CLASRP: variants seen among roughly 807,000 people sequenced by gnomAD.
The protein encoded by CLASRP is CLK4 associating serine/arginine rich protein.
Under a neutral mutation model 99.9 loss-of-function variants are expected in CLASRP, and 52 were observed. That is an observed-to-expected ratio of 0.52 (90% CI 0.42 to 0.66). The LOEUF (loss-of-function observed/expected upper bound fraction) is 0.66. CLASRP is among the 30% of genes least tolerant of loss of function. The pLI is 0.00. For synonymous variants in CLASRP, 379 were observed against 373.0 expected, an observed-to-expected ratio of 1.02 and a Z score of -0.18; for missense variants, 848 against 999.2, an observed-to-expected ratio of 0.85 and a Z score of 2.04.
chr19:45,042,646 T>G (rs1600091901), intron 2 of CLASRP, among the ~76,000 whole-genome samples: 1 of 151,824 alleles, frequency 6.6e-6, no homozygotes, highest in South Asian at 2.1e-4. Flanking sequence ...AGAGTCTTGC[T>G]TAGTCGCCCA....
chr19:45,067,622 G>A lies in CLASRP; in HGVS notation c.1667+28G>A. 4 of 1,562,446 alleles carry A rather than the reference G, an allele frequency of 2.6e-6. No individual in the cohort carries two copies. The highest frequency in any genetic ancestry group is 3.5e-6 in the Non-Finnish European group (4 of 1,153,752). ...GAGCGGGGCGGGTCTGGAGGAAGAG[G>A]GCTGCCAATCTCGGGTGGGGAGGGT... On this transcript the variant is annotated intron_variant, in intron 14 of 20. Coordinates refer to ENST00000221455, the MANE Select transcript of CLASRP (RefSeq NM_007056.3). This position sits in a 1 kb window ranked among gnomAD's most constrained non-coding sequence, Gnocchi z 4.9.
At position 45,067,716 on chromosome 19, in the gene CLASRP, C is replaced by A; in HGVS notation, c.1667+122C>A. The A allele has an allele frequency of 1.0e-6, 1 of 959,462 alleles. No individual in the cohort carries two copies. The highest frequency in any genetic ancestry group is 1.5e-6 in the Non-Finnish European group (1 of 656,800). 59.4% of individuals were successfully genotyped at this position (959,462 alleles called of 1,614,324 possible). ...GGGAGGTCTGGGGGGTGGTGTATGG[C>A]CCTGGCCTGGGAGGGTGGATTTCAG... On this transcript the variant is annotated intron_variant, in intron 14 of 20. Transcript: ENST00000221455. The surrounding 1 kb of genome is among the most constrained non-coding windows in gnomAD (Gnocchi z 4.9).
At chr19:45,070,716 G>A in intron 20 of CLASRP, 87 bp from the exon 21 acceptor site, 2 of 1,332,960 alleles carry the variant, frequency 1.5e-6, no homozygotes, top group Middle Eastern at 1.8e-4. Context: ...CCACAGACAA[G>A]TGCCCCGATC....
chr19:45,059,233 G>C, intron 7 of CLASRP, 35 bp from the exon 8 acceptor site: 5 of 1,573,106 alleles, frequency 3.2e-6, no homozygotes, highest in Non-Finnish European at 4.3e-6. Flanking sequence ...CCTCTCGCTC[G>C]GCCGTGGCTC....
In CLASRP at chr19:45,067,635, G is replaced by T; in HGVS notation, c.1667+41G>T. The stretch of plus-strand genomic sequence containing the variant: ...CTGGAGGAAGAGGGCTGCCAATCTC[G>T]GGTGGGGAGGGTGAACATCACTGTT... On this transcript the variant is annotated intron_variant, in intron 14 of 20. Transcript: ENST00000221455. This position sits in a 1 kb window ranked among gnomAD's most constrained non-coding sequence, Gnocchi z 4.9. 4.0e-6 allele frequency: 6 copies of T among 1,516,814 alleles called. No individual in the cohort carries two copies. The highest frequency in any genetic ancestry group is 2.3e-5 in the East Asian group (1 of 43,860). The allele number at this position is 1,516,814 out of a possible 1,614,324, so 94.0% of individuals were successfully genotyped here. A position where few individuals can be genotyped will look rare whatever the true frequency, so the allele number is the denominator to read the frequency against.
chr19:45,052,079 C>T lies in CLASRP; in HGVS notation c.108C>T (p.Asp36=). 6 of 1,613,844 alleles carry T rather than the reference C, an allele frequency of 3.7e-6. No homozygotes were observed. Among genetic ancestry groups the T allele is most frequent in the Non-Finnish European group, 5.1e-6 (6 of 1,179,974 alleles). The change falls in exon 3 of 21, where the codon GAC becomes GAT. Residue 36 remains aspartate, a synonymous_variant. Coordinates refer to ENST00000221455, the MANE Select transcript of CLASRP (RefSeq NM_007056.3). ...CCTGTTTACCCCTGCAGAAGAAGGA[C>T]CCAGCCCAGTTCCTGCAGGTACATG... ...RREYYEKIKK[D]PAQFLQVHGR... is the part of the protein sequence containing the mutation.
rs533411098 is a variant in CLASRP, at chr19:45,064,588, C to T, written c.1367C>T (p.Ser456Leu). 10 of 1,545,314 alleles carry T rather than the reference C, an allele frequency of 6.5e-6. No individual in the cohort carries two copies. Among genetic ancestry groups the T allele is most frequent in the South Asian group, 2.4e-5 (2 of 84,528 alleles). Residue 456 changes from serine (S) to leucine (L), a missense_variant, in exon 13 of 21, where the codon TCG (serine) becomes TTG (leucine). By Grantham distance (145) the Ser-to-Leu change is moderately radical. Around this residue, in one of 8 missense-constraint regions of CLASRP, gnomAD observed 489 missense variants for 434.7 expected, o/e 1.12. Coordinates refer to ENST00000221455, the MANE Select transcript of CLASRP (RefSeq NM_007056.3). ...CGAGACGGACACCGGTACTCCCGCT[C>T]GCCCGCCCGGCGTGGTGGTTACGGG... ...GSRDGHRYSR[S>L]PARRGGYGPR...
chr19:45,067,694 A>C lies in CLASRP; in HGVS notation c.1667+100A>C. On this transcript the variant is annotated intron_variant, in intron 14 of 20. Transcript: ENST00000221455. This position sits in a 1 kb window ranked among gnomAD's most constrained non-coding sequence, Gnocchi z 4.9. ...GAGGGGAACTTAGCCCTACCCTGGG[A>C]GGTCTGGGGGGTGGTGTATGGCCCT... 1 of 1,162,800 alleles carries C rather than the reference A, an allele frequency of 8.6e-7. No individual in the cohort carries two copies. The highest frequency in any genetic ancestry group is 1.2e-6 in the Non-Finnish European group (1 of 833,296). The allele number at this position is 1,162,800 out of a possible 1,614,324, so 72.0% of individuals were successfully genotyped here. A position where few individuals can be genotyped will look rare whatever the true frequency, so the allele number is the denominator to read the frequency against.
intron 20 of CLASRP, 52 bp downstream of exon 20, chr19:45,070,613 A>G: frequency 6.5e-7 from 1 of 1,543,982 alleles, no homozygotes; most frequent in Non-Finnish European, 9.0e-7. Flanking sequence ...TTGTCCTTTG[A>G]TGGGAGGTCC....
chr19:45,056,940 C>A (rs77461014), intron 6 of CLASRP, among the ~76,000 whole-genome samples: 1 of 152,288 alleles, frequency 6.6e-6, no homozygotes, highest in African/African-American at 2.4e-5. Flanking sequence ...CCAGCACCTG[C>A]CATGTAGTGA....
At chr19:45,058,944 T>A (rs1467419994) in intron 7 of CLASRP, among the ~76,000 whole-genome samples, 1 of 151,916 alleles carries the variant, frequency 6.6e-6, no homozygotes, top group Non-Finnish European at 1.5e-5. Context: ...CTCCATTCCA[T>A]TCATCCATCC....
At chr19:45,055,003 T>G (rs1328759816) in intron 5 of CLASRP, among the ~76,000 whole-genome samples, 1 of 152,250 alleles carries the variant, frequency 6.6e-6, no homozygotes, top group Non-Finnish European at 1.5e-5. Flanking sequence ...ACATGTGTTA[T>G]AATTGATACT....
intron 19 of CLASRP, 54 bp downstream of exon 19, chr19:45,070,158 G>A (rs912128156): frequency 8.6e-7 from 1 of 1,164,364 alleles, no homozygotes; most frequent in Non-Finnish European, 1.3e-6. Context: ...AAAGTGTCAA[G>A]CAGGGTTACC....
At position 45,067,682 on chromosome 19, in the gene CLASRP, C is replaced by A; in HGVS notation, c.1667+88C>A. The A allele has an allele frequency of 7.8e-7, 1 of 1,275,030 alleles. No individual in the cohort carries two copies. The highest frequency in any genetic ancestry group is 1.1e-6 in the Non-Finnish European group (1 of 928,240). The allele number at this position is 1,275,030 out of a possible 1,614,324, so 79.0% of individuals were successfully genotyped here. A position where few individuals can be genotyped will look rare whatever the true frequency, so the allele number is the denominator to read the frequency against. On this transcript the variant is annotated intron_variant, in intron 14 of 20. Transcript: ENST00000221455. This position sits in a 1 kb window ranked among gnomAD's most constrained non-coding sequence, Gnocchi z 4.9. ...TGTTTTCTTTTTGAGGGGAACTTAG[C>A]CCTACCCTGGGAGGTCTGGGGGGTG... is the stretch of plus-strand genomic sequence containing the variant.
chr19:45,044,078 C>A (rs1172118952), intron 2 of CLASRP, among the ~76,000 whole-genome samples: 2 of 152,160 alleles, frequency 1.3e-5, no homozygotes, highest in Non-Finnish European at 2.9e-5. Flanking sequence ...GACAGGGTTT[C>A]ACCATATTGG....
At position 45,070,098 on chromosome 19, in the gene CLASRP, C is replaced by A. The variant is rs147349408; in HGVS notation, c.1951C>A (p.Arg651=). The A allele has an allele frequency of 1.9e-6, 3 of 1,573,806 alleles. No individual in the cohort carries two copies. The highest frequency in any genetic ancestry group is 2.2e-5 in the East Asian group (1 of 44,690). ...YSRQSRSPSP[R]YSREYSSSRR... The stretch of plus-strand genomic sequence containing the variant: ...CCGGCAGAGCCGCTCACCCTCCCCC[C>A]GATACAGTGAGTGTCCCCACCAGGC... The change falls in exon 19 of 21, where the codon CGA becomes AGA. Residue 651 remains arginine, a synonymous_variant. Coordinates refer to ENST00000221455, the MANE Select transcript of CLASRP (RefSeq NM_007056.3).
rs1023796749 is a variant in CLASRP at position 45,060,020 on chromosome 19, C to A, written c.711-369C>A. 2.6e-5 allele frequency among the ~76,000 whole-genome samples: 4 copies of A among 152,202 alleles called. No individual in the cohort carries two copies. The highest frequency in any genetic ancestry group is 2.0e-4 in the Admixed American group (3 of 15,280). ...TTTGGACGTCTGCAGCTTGCTCCCC[C>A]AGGTTTTTCTCTAGATACCCTGTTT... On this transcript the variant is annotated intron_variant, in intron 8 of 20. Transcript: ENST00000221455. The surrounding 1 kb of genome is among the most constrained non-coding windows in gnomAD (Gnocchi z 4.6).
intron 11 of CLASRP, 32 bp from the exon 12 acceptor site, chr19:45,063,980 G>A (rs559515684): frequency 1.3e-6 from 2 of 1,576,660 alleles, no homozygotes; most frequent in African/African-American, 1.3e-5. Flanking sequence ...CCGGGAGCCT[G>A]AGCTAGTGAG....
chr19:45,052,303 C>T (rs1972039574), intron 3 of CLASRP, 135 bp downstream of exon 3: 7 of 697,298 alleles, frequency 1.0e-5, no homozygotes, highest in South Asian at 6.8e-5. Context: ...AGGTGTGACC[C>T]GCATATGAAG....
Sources: gnomAD v4.1 joint callset for allele counts (sites outside exome capture counted in the v4.1 genomes callset) on GRCh38, gnomAD v4.1.1 for gene constraint, gnomAD v4.1.1 regional missense constraint, Gnocchi (gnomAD v3.1) non-coding constraint, MANE v1.5 for transcripts, NCBI Gene and HGNC (gene_info 2026-07-23, HGNC 2026-07-21) for gene names.